The following NAGA variants were observed in gnomAD, a reference collection of about 807,000 sequenced individuals.
NAGA encodes the protein Acetylgalactosaminidase, alpha-N- (alpha-galactosidase B).
In NAGA, 42 loss-of-function variants were observed where a neutral mutation model predicts 45.6. That is an observed-to-expected ratio of 0.92 (90% CI 0.72 to 1.19). NAGA has a LOEUF of 1.19. Ranked by LOEUF, NAGA falls within the 50% of genes most tolerant of loss-of-function variation. The probability of loss-of-function intolerance (pLI) is 0.00; values close to 1 mark genes in which losing one functional copy is unlikely to be tolerated. For missense variants in NAGA, 493 were observed against 544.8 expected, an observed-to-expected ratio of 0.90 and a Z score of 0.95; for synonymous variants, 176 against 203.1, an observed-to-expected ratio of 0.87 and a Z score of 1.13.
At position 42,060,415 on chromosome 22, in the gene NAGA, T is replaced by C. The variant is rs1442297381; in HGVS notation, c.1102-2A>G. 2 of 1,612,810 alleles carry C rather than the reference T, an allele frequency of 1.2e-6. No individual in the cohort carries two copies. The highest frequency in any genetic ancestry group is 1.7e-5 in the Admixed American group (1 of 60,000). Reference sequence around the variant, plus strand: ...GTCACCTGAGTAGACGTCCTGGGCCTGCAGTGGGGAGGGACATCACCAATG... The same window carrying C: ...GTCACCTGAGTAGACGTCCTGGGCCCGCAGTGGGGAGGGACATCACCAATG... On this transcript the variant is annotated splice_acceptor_variant, in intron 8 of 8. Coordinates refer to ENST00000396398, the MANE Select transcript of NAGA (RefSeq NM_000262.3). LOFTEE classifies it high-confidence loss of function.
rs1319886901 is a variant in NAGA, at chr22:42,060,983, G to C, written c.1042C>G (p.Pro348Ala). 1 of 1,614,096 alleles carries C rather than the reference G, an allele frequency of 6.2e-7. No homozygotes were observed. The highest frequency in any genetic ancestry group is 1.3e-5 in the African/African-American group (1 of 74,942). Residue 348 changes from proline (P) to alanine (A), a missense_variant, in exon 8 of 9, where the codon CCT (proline) becomes GCT (alanine). Pro to Ala is a conservative substitution (Grantham distance 27). Coordinates refer to ENST00000396398, the MANE Select transcript of NAGA (RefSeq NM_000262.3). Reference sequence around the variant, plus strand: ...CCAAGGGAGGAGTGGTAGCGATAAGGCATATCGGTCCTGCAGCTGAAGAAG... The same window carrying C: ...CCAAGGGAGGAGTGGTAGCGATAAGCCATATCGGTCCTGCAGCTGAAGAAG... Reference protein sequence around the residue: ...LVFFSCRTDMPYRYHSSLGQL... With the variant: ...LVFFSCRTDMAYRYHSSLGQL...
chr22:42,063,234 T>C (rs565610219), intron 6 of NAGA, among the ~76,000 whole-genome samples: 3 of 152,098 alleles, frequency 2.0e-5, no homozygotes, highest in Non-Finnish European at 4.4e-5. Flanking sequence ...AGCTTTTTAT[T>C]TTCCATCAAG....
chr22:42,063,263 G>C (rs1050867647), intron 6 of NAGA, among the ~76,000 whole-genome samples: 3 of 152,102 alleles, frequency 2.0e-5, no homozygotes, highest in Admixed American at 1.3e-4. Flanking sequence ...TCGGCGGTAG[G>C]GGGGTGGGCA....
chr22:42,070,055 A>G (rs1160481070), intron 1 of NAGA, among the ~76,000 whole-genome samples: 1 of 152,230 alleles, frequency 6.6e-6, no homozygotes, highest in Admixed American at 6.5e-5. Context: ...GCTGATATCC[A>G]TCAGTTAGGG....
At chr22:42,066,061 G>A (rs1926710648) in intron 5 of NAGA, among the ~76,000 whole-genome samples, 162 bp from the exon 6 acceptor site, 1 of 152,136 alleles carries the variant, frequency 6.6e-6, no homozygotes, top group Non-Finnish European at 1.5e-5. Flanking sequence ...GCCTCAGAGG[G>A]TGGCCCTGCT....
At chr22:42,069,043 G>A (rs904736815) in intron 1 of NAGA, among the ~76,000 whole-genome samples, 3 of 152,130 alleles carry the variant, frequency 2.0e-5, no homozygotes, top group Non-Finnish European at 4.4e-5. Flanking sequence ...TGGATCACTT[G>A]AGGTCAGGCC....
At chr22:42,060,794 C>A (rs1297066376) in intron 8 of NAGA, 130 bp downstream of exon 8, 2 of 1,318,704 alleles carry the variant, frequency 1.5e-6, no homozygotes, top group Non-Finnish European at 2.2e-6. Context: ...CTGCAGCTCC[C>A]CATGGGCACC....
intron 7 of NAGA, 85 bp downstream of exon 7, chr22:42,062,742 G>T: frequency 6.7e-7 from 1 of 1,490,104 alleles, no homozygotes; most frequent in Non-Finnish European, 9.3e-7. Flanking sequence ...CTCGCCAGGT[G>T]TTGCCCCCAG....
chr22:42,068,713 G>A (rs1031895297), intron 1 of NAGA, 139 bp from the exon 2 acceptor site: 2 of 1,228,894 alleles, frequency 1.6e-6, no homozygotes, highest in African/African-American at 3.0e-5. Flanking sequence ...CCTGGGTTTA[G>A]GGTAGAATTG....
chr22:42,067,499 C>A (rs1012223648), intron 3 of NAGA, among the ~76,000 whole-genome samples: 3 of 152,230 alleles, frequency 2.0e-5, no homozygotes, highest in Non-Finnish European at 4.4e-5. Context: ...TAGGCCTTTG[C>A]TCCTGCCATC....
intron 3 of NAGA, 102 bp from the exon 4 acceptor site, chr22:42,067,392 G>T: frequency 7.1e-7 from 1 of 1,417,020 alleles, no homozygotes; most frequent in South Asian, 1.2e-5. Context: ...GGCTCCCACG[G>T]ACCAAAGGAG....
At position 42,070,320 on chromosome 22, in the gene NAGA, G is replaced by A; in HGVS notation, c.-23C>T. The A allele has an allele frequency of 6.2e-7, 1 of 1,614,116 alleles. No homozygotes were observed. Among genetic ancestry groups the A allele is most frequent in the Non-Finnish European group, 8.5e-7 (1 of 1,179,944 alleles). ...CATCGCTCTGGACTCAGCTTCCGAGGACCTGACCAGATCTGGTCTGCGTGT... is the reference window on the plus strand; with the variant it reads ...CATCGCTCTGGACTCAGCTTCCGAGAACCTGACCAGATCTGGTCTGCGTGT... On this transcript the variant is annotated 5_prime_UTR_variant, in exon 1 of 9. Transcript: ENST00000396398.
intron 1 of NAGA, among the ~76,000 whole-genome samples, chr22:42,068,795 G>C (rs1602498494): frequency 1.4e-5 from 1 of 71,124 alleles, no homozygotes; most frequent in Non-Finnish European, 2.8e-5. Context: ...GCAGTGGCTT[G>C]AGGTCTGGCC....
chr22:42,067,463 A>C (rs1250989897), intron 3 of NAGA, among the ~76,000 whole-genome samples, 173 bp from the exon 4 acceptor site: 2 of 150,660 alleles, frequency 1.3e-5, no homozygotes, highest in East Asian at 3.9e-4. Context: ...CCCAACACAC[A>C]CCTCCCAGCG....
In NAGA at chr22:42,067,787, C is replaced by T. The variant is rs147270239; in HGVS notation, c.302G>A (p.Gly101Asp). 40 of 1,612,368 alleles carry T rather than the reference C, an allele frequency of 2.5e-5. No individual in the cohort carries two copies. The highest frequency in any genetic ancestry group is 3.1e-5 in the Non-Finnish European group (36 of 1,179,970). ...CACGTAGTCAGCCAGGAAAGGAATG[C>T]CATGAGGGAAGCGCTTGGGATCCGG... ...LMPDPKRFPH[G>D]IPFLADYVHS... The change falls in exon 3 of 9, where the codon GGC becomes GAC. Residue 101 changes from glycine to aspartate, a missense_variant. By Grantham distance (94) the Gly-to-Asp change is moderately conservative. Coordinates refer to ENST00000396398, the MANE Select transcript of NAGA (RefSeq NM_000262.3).
At chr22:42,065,693 C>G (rs775111505) in intron 6 of NAGA, 45 bp downstream of exon 6, 15 of 1,610,988 alleles carry the variant, frequency 9.3e-6, no homozygotes, top group African/African-American at 1.3e-5. Flanking sequence ...GGAGCAGGGT[C>G]GTCACAGATG....
Position 42,063,008 on chromosome 22 carries a change from A to G in NAGA, c.776T>C (p.Phe259Ser). The change falls in exon 7 of 9, where the codon TTT (phenylalanine) becomes TCT (serine). Residue 259 changes from phenylalanine to serine, a missense_variant. Transcript: ENST00000396398. ...NDPDMLLIGN[F>S]GLSLEQSRAQ... ...CCGGGATTGCTCTAAGCTGAGACCA[A>G]AGTTCCCAATGAGCAGCTGGGGGCA... 2 of 1,614,162 alleles carry G rather than the reference A, an allele frequency of 1.2e-6. No individual in the cohort carries two copies. The highest frequency in any genetic ancestry group is 1.3e-5 in the African/African-American group (1 of 75,032).
At chr22:42,061,812 T>C (rs1285841734) in intron 7 of NAGA, among the ~76,000 whole-genome samples, 1 of 151,340 alleles carries the variant, frequency 6.6e-6, no homozygotes, top group African/African-American at 2.4e-5. Context: ...ATTAGCCGGG[T>C]GTGGTGGCGC....
At chr22:42,067,006 AC>A (rs1926773410) in intron 4 of NAGA, 106 bp downstream of exon 4, 1 of 1,518,838 alleles carries the variant, frequency 6.6e-7, no homozygotes, top group African/African-American at 1.4e-5. Flanking sequence ...AATCCCCCTA[AC>A]CCCTGGGTAG....
Sources: allele counts gnomAD v4.1 joint callset (sites outside exome capture counted in the v4.1 genomes callset), GRCh38; gene constraint gnomAD v4.1.1; transcripts MANE v1.5; gene names NCBI Gene and HGNC (gene_info 2026-07-23, HGNC 2026-07-21).